NRG1: variants seen among roughly 807,000 people sequenced by gnomAD.
NRG1 encodes the protein neuregulin 1, also known as pro-neuregulin-1, membrane-bound isoform.
In NRG1, 18 loss-of-function variants were observed where a neutral mutation model predicts 63.8. That is an observed-to-expected ratio of 0.28 (90% confidence interval 0.19 to 0.42). NRG1 has a LOEUF of 0.42. NRG1 is among the 10% of genes least tolerant of loss of function. The pLI is 1.00. For synonymous variants in NRG1, 302 were observed against 301.3 expected, an observed-to-expected ratio of 1.00 and a Z score of -0.02; for missense variants, 762 against 814.7, an observed-to-expected ratio of 0.94 and a Z score of 0.79.
chr8:32,251,145 T>C (rs1241006836), intron 1 of NRG1, among the ~76,000 whole-genome samples: 1 of 151,896 alleles, frequency 6.6e-6, no homozygotes, highest in African/African-American at 2.4e-5. Context: ...GCCATGGTGG[T>C]TTGTTGCACC....
At chr8:32,271,141 G>T (rs911851374) in intron 1 of NRG1, among the ~76,000 whole-genome samples, 2 of 151,894 alleles carry the variant, frequency 1.3e-5, no homozygotes, top group African/African-American at 4.8e-5. Flanking sequence ...TCAGCCCTAG[G>T]TCTTCCTAAA....
intron 1 of NRG1, among the ~76,000 whole-genome samples, chr8:31,979,319 C>T (rs556108064): frequency 1.3e-4 from 20 of 152,240 alleles, no homozygotes; most frequent in Admixed American, 1.1e-3. Flanking sequence ...CTTCATTATT[C>T]ATTCTCTGAA....
intron 1 of NRG1, among the ~76,000 whole-genome samples, chr8:31,921,315 G>A (rs1273786954): frequency 6.6e-6 from 1 of 152,120 alleles, no homozygotes; most frequent in Non-Finnish European, 1.5e-5. Flanking sequence ...GGGCCACTGT[G>A]TTCTCAACTG....
intron 1 of NRG1, among the ~76,000 whole-genome samples, chr8:31,653,375 A>AAGT (rs1488054438): frequency 2.6e-5 from 4 of 152,130 alleles, no homozygotes; most frequent in Non-Finnish European, 5.9e-5. Context: ...AATATATAAC[A>AAGT]AGTAAAATGC....
chr8:32,338,083 G>A (rs982416438), intron 1 of NRG1, among the ~76,000 whole-genome samples: 27 of 152,160 alleles, frequency 1.8e-4, no homozygotes, highest in African/African-American at 4.1e-4. Flanking sequence ...TCTGCCACAC[G>A]AAATTTTAAG....
intron 1 of NRG1, among the ~76,000 whole-genome samples, chr8:31,864,456 G>A (rs370480281): frequency 2.0e-5 from 3 of 152,254 alleles, no homozygotes; most frequent in African/African-American, 7.2e-5. Flanking sequence ...TGTGGTGTTT[G>A]AACTGAAATC....
At chr8:31,924,159 C>T (rs1347247587) in intron 1 of NRG1, among the ~76,000 whole-genome samples, 1 of 151,916 alleles carries the variant, frequency 6.6e-6, no homozygotes, top group Non-Finnish European at 1.5e-5. Flanking sequence ...TCGAGACCAG[C>T]CTGACCAATA....
chr8:32,110,602 A>G (rs1001641665), intron 1 of NRG1, among the ~76,000 whole-genome samples: 1 of 152,086 alleles, frequency 6.6e-6, no homozygotes, highest in Non-Finnish European at 1.5e-5. Flanking sequence ...TCTTTTAAAC[A>G]TCTCTTCTGT....
intron 5 of NRG1, among the ~76,000 whole-genome samples, chr8:32,725,754 G>A (rs561590868): frequency 5.3e-5 from 8 of 152,024 alleles, no homozygotes; most frequent in African/African-American, 9.6e-5. Context: ...GATTACAGGC[G>A]TGATCCACCG....
chr8:32,233,737 A>G (rs1847248045), intron 1 of NRG1, among the ~76,000 whole-genome samples: 1 of 151,330 alleles, frequency 6.6e-6, no homozygotes, highest in African/African-American at 2.4e-5. Context: ...GCTAATTTTC[A>G]TATTTTTAGT....
At chr8:31,991,438 T>G (rs188599713) in intron 1 of NRG1, among the ~76,000 whole-genome samples, 2 of 151,832 alleles carry the variant, frequency 1.3e-5, no homozygotes, top group Admixed American at 1.3e-4. Flanking sequence ...ATCATCATTA[T>G]CATTTCAGTG....
chr8:32,453,023 T>C (rs17716113), intron 1 of NRG1, among the ~76,000 whole-genome samples: 20,185 of 152,184 alleles, frequency 0.13, 1,633 homozygotes, highest in Admixed American at 0.26. Context: ...TCTCGTTAAG[T>C]AGAAAATTCC....
intron 1 of NRG1, among the ~76,000 whole-genome samples, chr8:32,454,573 CTTTTTTTTTTT>C (rs1158217383): frequency 6.5e-5 from 5 of 76,406 alleles, no homozygotes; most frequent in East Asian, 4.5e-4. Context: ...TCCCATCCCT[CTTTTTTTTTTT>C]TTTTTTTTTT....
At chr8:31,848,086 A>G (rs1586786477) in intron 1 of NRG1, among the ~76,000 whole-genome samples, 1 of 152,200 alleles carries the variant, frequency 6.6e-6, no homozygotes, top group African/African-American at 2.4e-5. Flanking sequence ...AACACAAAGA[A>G]ATGCACTATT....
At chr8:32,438,094 C>T (rs1167243681) in intron 1 of NRG1, among the ~76,000 whole-genome samples, 1 of 152,152 alleles carries the variant, frequency 6.6e-6, no homozygotes. Flanking sequence ...AATAGCACAA[C>T]TTTGATATTG....
chr8:32,548,788 G>A (rs774960072), exon 1 of NRG1: 1 of 1,586,434 alleles, frequency 6.3e-7, no homozygotes, highest in Non-Finnish European at 8.6e-7. Flanking sequence ...CGAGGCTCCG[G>A]CAAGAAGCCG....
intron 1 of NRG1, among the ~76,000 whole-genome samples, chr8:32,541,463 T>C (rs1308212017): frequency 1.3e-5 from 2 of 151,894 alleles, no homozygotes; most frequent in East Asian, 3.9e-4. Flanking sequence ...CTATAATCTG[T>C]TTTGGAAATG....
At chr8:31,643,052 A>G (rs77760796) in intron 1 of NRG1, among the ~76,000 whole-genome samples, 2,802 of 152,194 alleles carry the variant, frequency 0.018, 96 homozygotes, top group African/African-American at 0.063. Flanking sequence ...GGTGTCAGAT[A>G]ATGCCATTCA....
In NRG1 at chr8:31,784,566, G is replaced by A. The variant is rs183817570; in HGVS notation, c.37+145135G>A. On this transcript the variant is annotated intron_variant, in intron 1 of 10. Coordinates refer to the NRG1 transcript ENST00000519301. ...GTTGCAAATAGCAGAATTTGCACAC[G>A]CTAGTTGAATCAGAAAACAATAACG... Among the ~76,000 whole-genome samples the A allele has an allele frequency of 1.5e-3, 235 of 152,270 alleles. 2 individuals are homozygous for A. Among genetic ancestry groups the A allele is most frequent in the African/African-American group, 5.3e-3 (221 of 41,564 alleles).
Sources: allele counts gnomAD v4.1 joint callset (sites outside exome capture counted in the v4.1 genomes callset), GRCh38; gene constraint gnomAD v4.1.1; transcripts MANE v1.5; gene names NCBI Gene and HGNC (gene_info 2026-07-23, HGNC 2026-07-21).